The following HPSE variants were observed in gnomAD, a reference collection of about 807,000 sequenced individuals.
The protein encoded by HPSE is endo-glucoronidase.
A neutral mutation model predicts 65.1 loss-of-function variants in HPSE; 48 were observed. The ratio of observed to expected loss-of-function variants is 0.74; its 90% CI spans 0.58 to 0.94. The LOEUF (loss-of-function observed/expected upper bound fraction) is 0.94, where lower values mean the gene tolerates loss of function less well. Among genes scored for constraint, HPSE ranks in the 40% least tolerant of loss-of-function variants. The pLI is 0.00. For missense variants in HPSE, 644 were observed against 637.5 expected, an observed-to-expected ratio of 1.01 and a Z score of -0.11; for synonymous variants, 243 against 260.0, an observed-to-expected ratio of 0.93 and a Z score of 0.63.
intron 3 of HPSE, among the ~76,000 whole-genome samples, chr4:83,317,145 C>T (rs187566855): frequency 3.3e-5 from 5 of 152,248 alleles, no homozygotes; most frequent in African/African-American, 7.2e-5. Flanking sequence ...GTAATCCACC[C>T]GCCTCAGCCT....
rs2062386798 is a variant in HPSE at position 83,310,772 on chromosome 4, A to G, written c.792T>C (p.Tyr264=). The G allele has an allele frequency of 6.2e-7, 1 of 1,614,220 alleles. No homozygotes were observed. The highest frequency in any genetic ancestry group is 8.5e-7 in the Non-Finnish European group (1 of 1,180,034). Residue 264 remains tyrosine, a synonymous_variant, in exon 5 of 12, where the codon TAT becomes TAC. Coordinates refer to ENST00000311412, the MANE Select transcript of HPSE (RefSeq NM_001098540.3). ...RKSTFKNAKL[Y]GPDVGQPRRK... ...TTCGAGGCTGACCAACATCAGGACC[A>G]TAGAGTTTTGCATTTTTGAAGGTGG...
intron 3 of HPSE, among the ~76,000 whole-genome samples, chr4:83,316,049 C>G (rs1026148036): frequency 7.9e-5 from 12 of 151,162 alleles, no homozygotes; most frequent in African/African-American, 2.9e-4. Context: ...TTTTTTGAGA[C>G]AGAGTATTGT....
chr4:83,333,557 C>T (rs2126200110), intron 1 of HPSE, among the ~76,000 whole-genome samples: 1 of 152,220 alleles, frequency 6.6e-6, no homozygotes, highest in East Asian at 1.9e-4. Flanking sequence ...CTGGAGGCTC[C>T]CAGGGCCTAA....
At chr4:83,313,716 T>TA (rs1001274668) in intron 3 of HPSE, among the ~76,000 whole-genome samples, 3 of 152,144 alleles carry the variant, frequency 2.0e-5, no homozygotes, top group Non-Finnish European at 4.4e-5. Context: ...AAACAATTTT[T>TA]AAAAAAATTC....
rs1052801972 is a variant in HPSE at position 83,293,230 on chromosome 4, A to G, written c.*2114T>C. 6.6e-6 allele frequency: 1 copy of G among 152,200 alleles called. No homozygotes were observed. The highest frequency in any genetic ancestry group is 2.4e-5 in the African/African-American group (1 of 41,458). The allele number at this position is 152,200 out of a possible 1,614,324, so 9.4% of individuals were successfully genotyped here. On this transcript the variant is annotated 3_prime_UTR_variant, in exon 12 of 12. Coordinates refer to ENST00000311412, the MANE Select transcript of HPSE (RefSeq NM_001098540.3). ...CAGTGACTGGTGAAATGGCCACATT[A>G]CCCATTTCTGAACAATAAGACATGA... is the stretch of plus-strand genomic sequence containing the variant.
chr4:83,310,221 T>A, intron 5 of HPSE, 143 bp from the exon 6 acceptor site: 1 of 594,416 alleles, frequency 1.7e-6, no homozygotes. Context: ...GATAGCAAAT[T>A]TTATCATAGG....
Position 83,310,054 on chromosome 4 carries a change from C to T in HPSE, c.867G>A (p.Val289=), listed in dbSNP as rs752051171. The part of the protein sequence containing the change: ...LKSFLKAGGE[V]IDSVTWHHYY... ...ACTGATGCCATGTAACTGAATCAATCACTTCTCCACCAGCCTTCAGGAAGC... is the reference window on the plus strand; with the variant it reads ...ACTGATGCCATGTAACTGAATCAATTACTTCTCCACCAGCCTTCAGGAAGC... The change falls in exon 6 of 12, where the codon GTG becomes GTA. Residue 289 remains valine, a synonymous_variant. Coordinates refer to ENST00000311412, the MANE Select transcript of HPSE (RefSeq NM_001098540.3). 3.5e-5 allele frequency: 56 copies of T among 1,610,846 alleles called. No individual in the cohort carries two copies. In the Middle Eastern group the frequency reaches 4.9e-4, roughly 14 times the overall value.
At chr4:83,330,726 T>C (rs1406029908) in intron 1 of HPSE, among the ~76,000 whole-genome samples, 1 of 152,220 alleles carries the variant, frequency 6.6e-6, no homozygotes, top group Non-Finnish European at 1.5e-5. Flanking sequence ...GCATTATCAC[T>C]GAGATTGCTG....
At position 83,301,099 on chromosome 4, in the gene HPSE, A is replaced by T. The variant is rs1414479229; in HGVS notation, c.1333T>A (p.Tyr445Asn). The T allele has an allele frequency of 6.3e-7, 1 of 1,576,836 alleles. No individual in the cohort carries two copies. Among genetic ancestry groups the T allele is most frequent in the African/African-American group, 1.4e-5 (1 of 72,466 alleles). The change falls in exon 11 of 12, where the codon TAT becomes AAT. Residue 445 changes from tyrosine (Y) to asparagine (N), a missense_variant. Tyr to Asn is a moderately radical substitution (Grantham distance 143). Coordinates refer to ENST00000311412, the MANE Select transcript of HPSE (RefSeq NM_001098540.3). Reference sequence around the variant, plus strand: ...TACAGAGTTAAATCTCCTTCTTTATACCTTGGACTAAAAGCAAAGAGGTTA... The same window carrying T: ...TACAGAGTTAAATCTCCTTCTTTATTCCTTGGACTAAAAGCAAAGAGGTTA... ...LHCTNTDNPR[Y>N]KEGDLTLYAI...
intron 11 of HPSE, among the ~76,000 whole-genome samples, chr4:83,298,364 A>G (rs2126181830): frequency 6.6e-6 from 1 of 152,298 alleles, no homozygotes; most frequent in Middle Eastern, 3.4e-3. Context: ...AGCCCAGATG[A>G]GGTGGGTCAT....
chr4:83,317,774 C>T (rs1182226794), intron 3 of HPSE, among the ~76,000 whole-genome samples: 1 of 151,954 alleles, frequency 6.6e-6, no homozygotes, highest in Non-Finnish European at 1.5e-5. Flanking sequence ...CATTAATTAC[C>T]TAATACAACT....
chr4:83,324,628 C>T (rs1197385171), intron 1 of HPSE, among the ~76,000 whole-genome samples: 2 of 152,162 alleles, frequency 1.3e-5, no homozygotes, highest in Non-Finnish European at 2.9e-5. Flanking sequence ...CCCCAAAGAG[C>T]TCTAGGAAGG....
At chr4:83,328,337 A>G (rs1347770123) in intron 1 of HPSE, among the ~76,000 whole-genome samples, 1 of 152,098 alleles carries the variant, frequency 6.6e-6, no homozygotes, top group Non-Finnish European at 1.5e-5. Flanking sequence ...CTGTCATCAC[A>G]TGGTATTCTC....
At chr4:83,323,762 C>A (rs1391561126) in intron 1 of HPSE, among the ~76,000 whole-genome samples, 2 of 152,120 alleles carry the variant, frequency 1.3e-5, no homozygotes, top group Admixed American at 6.5e-5. Flanking sequence ...TTCTGTCAAG[C>A]CAAAAATGCT....
At chr4:83,329,540 G>C (rs1737285477) in intron 1 of HPSE, among the ~76,000 whole-genome samples, 1 of 152,146 alleles carries the variant, frequency 6.6e-6, no homozygotes, top group Non-Finnish European at 1.5e-5. Flanking sequence ...TGGAGTAGAA[G>C]AGCTATGGTC....
At chr4:83,302,049 A>G in intron 10 of HPSE, 101 bp downstream of exon 10, 1 of 656,976 alleles carries the variant, frequency 1.5e-6, no homozygotes, top group Non-Finnish European at 2.7e-6. Context: ...AACTGCCTAT[A>G]CTTATGCAAT....
chr4:83,305,232 T>A (rs1736106302), intron 9 of HPSE, among the ~76,000 whole-genome samples: 1 of 152,192 alleles, frequency 6.6e-6, no homozygotes, highest in Admixed American at 6.5e-5. Flanking sequence ...GATAAAAAGG[T>A]CAGGAGTAGA....
At chr4:83,296,227 G>A (rs1398003916) in intron 11 of HPSE, among the ~76,000 whole-genome samples, 3 of 152,172 alleles carry the variant, frequency 2.0e-5, no homozygotes, top group Non-Finnish European at 4.4e-5. Context: ...ATTCACAGGA[G>A]CGAATCAATA....
In HPSE at chr4:83,295,335, A is replaced by C; in HGVS notation, c.*9T>G. 1 of 1,601,086 alleles carries C rather than the reference A, an allele frequency of 6.2e-7. No homozygotes were observed. Among genetic ancestry groups the C allele is most frequent in the Non-Finnish European group, 8.5e-7 (1 of 1,172,330 alleles). On this transcript the variant is annotated 3_prime_UTR_variant, in exon 12 of 12. Coordinates refer to ENST00000311412, the MANE Select transcript of HPSE (RefSeq NM_001098540.3). ...AAAAATTCAGTGTCAGGACTAGTATATTTTATTTTCAGATGCAAGCAGCAA... is the reference window on the plus strand; with the variant it reads ...AAAAATTCAGTGTCAGGACTAGTATCTTTTATTTTCAGATGCAAGCAGCAA...
Sources: allele counts gnomAD v4.1 joint callset (sites outside exome capture counted in the v4.1 genomes callset), GRCh38; gene constraint gnomAD v4.1.1; transcripts MANE v1.5; gene names NCBI Gene and HGNC (gene_info 2026-07-23, HGNC 2026-07-21).